Variants in CDH13 observed in about 807,000 individuals in gnomAD.
The protein encoded by CDH13 is cadherin-13.
Under a neutral mutation model 63.8 loss-of-function variants are expected in CDH13, and 24 were observed. That is an observed-to-expected ratio of 0.38 (90% CI 0.27 to 0.53). The LOEUF (loss-of-function observed/expected upper bound fraction) is 0.53, where lower values mean the gene tolerates loss of function less well. Ranked by LOEUF, CDH13 falls within the 20% of genes least tolerant of loss-of-function variation. The pLI is 0.85. For missense variants in CDH13, 1,049 were observed against 903.1 expected (o/e 1.16, Z -2.07); for synonymous variants, 503 against 355.3 (o/e 1.42, Z -4.67).
intron 8 of CDH13, among the ~76,000 whole-genome samples, chr16:83,651,436 G>GTAT (rs1912363851): frequency 6.6e-6 from 1 of 151,890 alleles, no homozygotes; most frequent in Non-Finnish European, 1.5e-5. Flanking sequence ...GTAAGGGTAG[G>GTAT]TATTATTATT....
At chr16:83,272,902 A>T (rs2088868869) in intron 5 of CDH13, among the ~76,000 whole-genome samples, 1 of 152,136 alleles carries the variant, frequency 6.6e-6, no homozygotes. Context: ...AGAGCTAATG[A>T]TGAGTTTGCT....
At chr16:83,533,011 A>G (rs1423037885) in intron 7 of CDH13, among the ~76,000 whole-genome samples, 2 of 152,174 alleles carry the variant, frequency 1.3e-5, no homozygotes, top group Non-Finnish European at 2.9e-5. Flanking sequence ...AGCTAACTAC[A>G]ATTGTCAGTC....
intron 1 of CDH13, among the ~76,000 whole-genome samples, chr16:82,698,396 C>G (rs958167803): frequency 6.6e-6 from 1 of 152,208 alleles, no homozygotes; most frequent in East Asian, 1.9e-4. Flanking sequence ...TATCAGGTAG[C>G]TTTTGCTCTG....
intron 1 of CDH13, among the ~76,000 whole-genome samples, chr16:82,684,058 C>T (rs1168999643): frequency 6.6e-6 from 1 of 152,300 alleles, no homozygotes; most frequent in African/African-American, 2.4e-5. Context: ...TTGAGGCAAC[C>T]AAATGATCAA....
At chr16:83,479,964 A>G (rs7184416) in intron 6 of CDH13, among the ~76,000 whole-genome samples, 2,309 of 152,350 alleles carry the variant, frequency 0.015, 58 homozygotes, top group African/African-American at 0.052. Context: ...TGGAAACACA[A>G]GAGGCTCAGA....
At chr16:82,697,766 TG>T (rs1384886183) in intron 1 of CDH13, among the ~76,000 whole-genome samples, 10 of 151,060 alleles carry the variant, frequency 6.6e-5, no homozygotes, top group African/African-American at 9.8e-5. Context: ...TGTGTGTGTG[TG>T]TGTGTGTGTG....
chr16:82,639,312 C>G (rs1053184658), intron 1 of CDH13: 42 of 1,363,662 alleles, frequency 3.1e-5, no homozygotes, highest in Non-Finnish European at 3.9e-5. Flanking sequence ...ACAGGGTCAG[C>G]CCGGGGTCAT....
chr16:82,728,443 C>A (rs2033218169), intron 1 of CDH13, among the ~76,000 whole-genome samples: 1 of 66,696 alleles, frequency 1.5e-5, no homozygotes, highest in African/African-American at 4.5e-5. Context: ...GAGAGGCATA[C>A]AATTTTTTTT....
At chr16:83,771,155 C>A (rs1414162679) in intron 11 of CDH13, among the ~76,000 whole-genome samples, 1 of 152,114 alleles carries the variant, frequency 6.6e-6, no homozygotes, top group Admixed American at 6.5e-5. Flanking sequence ...TGCTCGATTC[C>A]TCTACGTAAA....
chr16:83,519,342 C>T (rs1219528147), intron 7 of CDH13, among the ~76,000 whole-genome samples: 2 of 152,176 alleles, frequency 1.3e-5, no homozygotes, highest in Non-Finnish European at 2.9e-5. Context: ...GAACACAACA[C>T]AGCCTCTGTT....
chr16:82,690,558 C>T (rs1045162694), intron 1 of CDH13, among the ~76,000 whole-genome samples: 8 of 151,966 alleles, frequency 5.3e-5, no homozygotes, highest in African/African-American at 1.2e-4. Context: ...AGCACAGCCT[C>T]GTGGGCAGAA....
intron 5 of CDH13, among the ~76,000 whole-genome samples, chr16:83,274,107 C>G (rs1597639584): frequency 6.6e-6 from 1 of 152,200 alleles, no homozygotes; most frequent in East Asian, 1.9e-4. Context: ...TTCCCCCAGG[C>G]CAGGCCGTCT....
chr16:82,714,946 T>A (rs13337850), intron 1 of CDH13, among the ~76,000 whole-genome samples: 27,176 of 112,282 alleles, frequency 0.24, 4,047 homozygotes, highest in African/African-American at 0.36. Context: ...CTGTGAGCGA[T>A]CACATTTCTC....
Position 83,678,302 on chromosome 16 carries a change from C to G in CDH13, c.1379C>G (p.Ser460Cys). 1 of 1,614,006 alleles carries G rather than the reference C, an allele frequency of 6.2e-7. No individual in the cohort carries two copies. The highest frequency in any genetic ancestry group is 8.5e-7 in the Non-Finnish European group (1 of 1,179,898). The change falls in exon 10 of 14, where the codon TCC becomes TGC. Residue 460 changes from serine to cysteine, a missense_variant. By Grantham distance (112) the Ser-to-Cys change is moderately radical. Transcript: ENST00000567109. ...CCCGACGTCTCCTACGGCCCCAGCT[C>G]CACAGCCACCGTCCACATCACTGTC... Reference protein sequence around the residue: ...LVPDVSYGPSSTATVHITVLD... With the variant: ...LVPDVSYGPSCTATVHITVLD...
chr16:83,790,718 A>G (rs986528819), intron 13 of CDH13, among the ~76,000 whole-genome samples: 1 of 152,174 alleles, frequency 6.6e-6, no homozygotes, highest in African/African-American at 2.4e-5. Flanking sequence ...GTTGTAGTAT[A>G]AAGTGCATGT....
At chr16:83,632,585 G>T (rs8052138) in intron 8 of CDH13, among the ~76,000 whole-genome samples, 147,551 of 150,926 alleles carry the variant, frequency 0.98, 72,231 homozygotes, top group East Asian at 1. Context: ...ATCCTCAAGT[G>T]CCCCACGGAG....
intron 2 of CDH13, among the ~76,000 whole-genome samples, chr16:82,993,497 C>G (rs993536790): frequency 2.0e-5 from 3 of 152,172 alleles, no homozygotes; most frequent in South Asian, 2.1e-4. Flanking sequence ...GACTTCCTCG[C>G]CAGCCTCTTT....
At chr16:83,681,331 T>C (rs910568048) in intron 10 of CDH13, among the ~76,000 whole-genome samples, 5 of 151,724 alleles carry the variant, frequency 3.3e-5, no homozygotes, top group Admixed American at 2.0e-4. Flanking sequence ...GGTCTAAGAG[T>C]TCTAGCATTT....
intron 1 of CDH13, among the ~76,000 whole-genome samples, chr16:82,627,851 C>A (rs898369834): frequency 6.6e-6 from 1 of 152,258 alleles, no homozygotes; most frequent in African/African-American, 2.4e-5. Flanking sequence ...TATTGTCCAG[C>A]CAGCTGGAGC....
Sources: gnomAD v4.1 joint callset for allele counts (sites outside exome capture counted in the v4.1 genomes callset) on GRCh38, gnomAD v4.1.1 for gene constraint, MANE v1.5 for transcripts, NCBI Gene and HGNC (gene_info 2026-07-23, HGNC 2026-07-21) for gene names.